The following HECW2 variants were observed in gnomAD, a reference collection of about 807,000 sequenced individuals.
HECW2 encodes the protein E3 ubiquitin-protein ligase HECW2.
A neutral mutation model predicts 175.2 loss-of-function variants in HECW2; 61 were observed. The ratio of observed to expected loss-of-function variants is 0.35; its 90% confidence interval spans 0.28 to 0.43. The LOEUF is 0.43. Among genes scored for constraint, HECW2 ranks in the 20% least tolerant of loss-of-function variants. The pLI is 1.00. For synonymous variants in HECW2, 671 were observed against 731.0 expected (o/e 0.92, Z 1.32); for missense variants, 1,524 against 2,000.5 (o/e 0.76, Z 4.54).
chr2:196,426,919 T>A (rs888504738), intron 2 of HECW2, among the ~76,000 whole-genome samples: 7 of 152,200 alleles, frequency 4.6e-5, no homozygotes, highest in African/African-American at 1.7e-4. Flanking sequence ...TGAAGAAATA[T>A]GAAAGATGTC....
At chr2:196,436,060 T>C (rs556702042) in intron 1 of HECW2, among the ~76,000 whole-genome samples, 1 of 152,340 alleles carries the variant, frequency 6.6e-6, no homozygotes, top group South Asian at 2.1e-4. Context: ...GGACCTCAGA[T>C]ATCTCAGAGC....
At chr2:196,405,049 T>G (rs762345995) in intron 2 of HECW2, among the ~76,000 whole-genome samples, 2 of 150,904 alleles carry the variant, frequency 1.3e-5, no homozygotes, top group East Asian at 3.9e-4. Context: ...GCCAGGATGG[T>G]CTCAATCTCC....
chr2:196,505,395 C>T (rs963854517), intron 1 of HECW2, among the ~76,000 whole-genome samples: 2 of 152,028 alleles, frequency 1.3e-5, no homozygotes, highest in Non-Finnish European at 2.9e-5. Context: ...CAAAAATTAG[C>T]TGGGTGTGGT....
intron 1 of HECW2, among the ~76,000 whole-genome samples, chr2:196,581,835 G>A (rs936763734): frequency 1.3e-5 from 2 of 152,146 alleles, no homozygotes; most frequent in African/African-American, 4.8e-5. Context: ...GTGAGGACAA[G>A]GCAGGTGGAT....
intron 23 of HECW2, among the ~76,000 whole-genome samples, 162 bp from the exon 24 acceptor site, chr2:196,222,502 C>A (rs1387862530): frequency 6.6e-6 from 1 of 152,184 alleles, no homozygotes; most frequent in Non-Finnish European, 1.5e-5. Context: ...TTAAACCAAA[C>A]CAGTGAAATA....
In HECW2 at chr2:196,292,655, G is replaced by A. The variant is rs1690645372; in HGVS notation, c.2910C>T (p.Asn970=). The stretch of plus-strand genomic sequence containing the variant: ...TGTTGAGGAATCCCACAAGGTCGCG[G>A]TTATGCTGGTAGCGTTCAAAGTGGT... ...DTHHFERYQH[N]RDLVGFLNMF... is the part of the protein sequence containing the mutation. The change falls in exon 14 of 29, where the codon AAC becomes AAT. Residue 970 remains asparagine, a synonymous_variant. Transcript: ENST00000644978. 1.2e-6 allele frequency: 2 copies of A among 1,614,066 alleles called. No individual in the cohort carries two copies. The highest frequency in any genetic ancestry group is 1.3e-5 in the African/African-American group (1 of 74,922).
At chr2:196,304,937 G>A (rs1057043970) in intron 13 of HECW2, among the ~76,000 whole-genome samples, 1 of 152,150 alleles carries the variant, frequency 6.6e-6, no homozygotes, top group Admixed American at 6.5e-5. Context: ...CGATTGTTTT[G>A]CAAATGATGC....
At chr2:196,309,731 C>T (rs1366929624) in intron 10 of HECW2, among the ~76,000 whole-genome samples, 1 of 151,900 alleles carries the variant, frequency 6.6e-6, no homozygotes, top group African/African-American at 2.4e-5. Flanking sequence ...TTACAGTAGT[C>T]CCAATTTTAA....
intron 1 of HECW2, among the ~76,000 whole-genome samples, chr2:196,513,582 T>C (rs1312428298): frequency 1.3e-5 from 2 of 152,200 alleles, no homozygotes; most frequent in Non-Finnish European, 2.9e-5. Flanking sequence ...TCAAAGGGCT[T>C]ACATTCTTGT....
At chr2:196,489,386 A>G (rs932620041) in intron 1 of HECW2, among the ~76,000 whole-genome samples, 4 of 152,188 alleles carry the variant, frequency 2.6e-5, no homozygotes, top group Non-Finnish European at 5.9e-5. Context: ...ATTTATTCCC[A>G]AAGACACTAT....
At chr2:196,292,805 C>G in intron 13 of HECW2, 55 bp from the exon 14 acceptor site, 1 of 1,366,028 alleles carries the variant, frequency 7.3e-7, no homozygotes. Flanking sequence ...GCAGAAGCAC[C>G]AGAAATACTA....
intron 20 of HECW2, among the ~76,000 whole-genome samples, chr2:196,240,801 G>A (rs1466549515): frequency 6.6e-6 from 1 of 150,598 alleles, no homozygotes; most frequent in Non-Finnish European, 1.5e-5. Context: ...GTAAACAACC[G>A]GAGAATCCTA....
Position 196,274,027 on chromosome 2 carries a change from G to A in HECW2, c.3232C>T (p.Pro1078Ser), listed in dbSNP as rs1290741398. The A allele has an allele frequency of 6.2e-7, 1 of 1,608,460 alleles. No individual in the cohort carries two copies. Among genetic ancestry groups the A allele is most frequent in the Non-Finnish European group, 8.5e-7 (1 of 1,174,930 alleles). The change falls in exon 16 of 29, where the codon CCA (proline) becomes TCA (serine). Residue 1078 changes from proline (P) to serine (S), a missense_variant. This residue lies in a region of HECW2 where 291 missense variants were observed against 412.2 expected (regional missense o/e 0.71). Coordinates refer to ENST00000644978, the MANE Select transcript of HECW2 (RefSeq NM_001348768.2). ...CTGGAAAGGGATGACATACCCACTG[G>A]AACCATGTCCTGGTACTGTGGCCTA... Reference protein sequence around the residue: ...VSRPQYQDMVPVAYNDKIVAF... With the variant: ...VSRPQYQDMVSVAYNDKIVAF...
intron 14 of HECW2, 30 bp downstream of exon 14, chr2:196,292,535 G>A: frequency 6.3e-7 from 1 of 1,585,652 alleles, no homozygotes; most frequent in Non-Finnish European, 8.6e-7. Flanking sequence ...CAGGCATTTG[G>A]CACTCCCTGA....
chr2:196,462,596 G>A (rs1696790037), intron 1 of HECW2, among the ~76,000 whole-genome samples: 1 of 151,958 alleles, frequency 6.6e-6, no homozygotes, highest in Non-Finnish European at 1.5e-5. Flanking sequence ...CTTCCTTTAA[G>A]CCCACTTATT....
intron 2 of HECW2, among the ~76,000 whole-genome samples, chr2:196,369,017 G>A (rs1276485124): frequency 6.6e-6 from 1 of 152,068 alleles, no homozygotes; most frequent in Non-Finnish European, 1.5e-5. Flanking sequence ...GTTTTCCTGG[G>A]TGGTCTTGAT....
intron 21 of HECW2, 123 bp downstream of exon 21, chr2:196,240,326 T>C (rs1033930348): frequency 1.9e-5 from 11 of 580,468 alleles, no homozygotes; most frequent in African/African-American, 5.7e-5. Context: ...AAGGTTTAAG[T>C]GTATGAGAAC....
chr2:196,247,040 A>G (rs1265771092), intron 19 of HECW2, among the ~76,000 whole-genome samples: 1 of 152,044 alleles, frequency 6.6e-6, no homozygotes, highest in Non-Finnish European at 1.5e-5. Context: ...AGGTCGGTGG[A>G]TCATGAGGTC....
At chr2:196,390,947 T>C (rs187200030) in intron 2 of HECW2, among the ~76,000 whole-genome samples, 2 of 152,284 alleles carry the variant, frequency 1.3e-5, no homozygotes, top group Admixed American at 6.5e-5. Context: ...CTTATACTCA[T>C]TGGCATTGGC....
Sources: gnomAD v4.1 joint callset for allele counts (sites outside exome capture counted in the v4.1 genomes callset) on GRCh38, gnomAD v4.1.1 for gene constraint, gnomAD v4.1.1 regional missense constraint, MANE v1.5 for transcripts, NCBI Gene and HGNC (gene_info 2026-07-23, HGNC 2026-07-21) for gene names.